Variants in ZC3H8 observed in about 807,000 individuals in gnomAD.
The protein encoded by ZC3H8 is zinc finger CCCH-type containing 8, also known as zinc finger CCCH domain-containing protein 8.
In ZC3H8, 27 loss-of-function variants were observed where a neutral mutation model predicts 42.5. The ratio of observed to expected loss-of-function variants is 0.64; its 90% confidence interval spans 0.47 to 0.88. The LOEUF is 0.88. Ranked by LOEUF, ZC3H8 falls within the 40% of genes least tolerant of loss-of-function variation. ZC3H8 has a pLI of 0.00. For synonymous variants in ZC3H8, 101 were observed against 110.1 expected (o/e 0.92, Z 0.52); for missense variants, 277 against 336.1 (o/e 0.82, Z 1.37).
At chr2:112,254,774 C>T in intron 1 of ZC3H8, 134 bp downstream of exon 1, 1 of 1,045,780 alleles carries the variant, frequency 9.6e-7, no homozygotes, top group Non-Finnish European at 1.4e-6. Flanking sequence ...GGCGCCCGGC[C>T]GGCCCACGTG....
chr2:112,218,754 T>C (rs1342909776), intron 8 of ZC3H8, among the ~76,000 whole-genome samples: 1 of 152,238 alleles, frequency 6.6e-6, no homozygotes, highest in East Asian at 1.9e-4. Context: ...AACAGTAGGC[T>C]ATTATTAGTT....
At chr2:112,221,350 A>ACT (rs146776546) in intron 8 of ZC3H8, among the ~76,000 whole-genome samples, 2,483 of 150,394 alleles carry the variant, frequency 0.017, 68 homozygotes, top group African/African-American at 0.057. Context: ...GCTCCTCCCC[A>ACT]CTCTCTCTCT....
chr2:112,232,024 CTAAA>C (rs1455388810), intron 6 of ZC3H8, 77 bp from the exon 7 acceptor site: 3 of 862,142 alleles, frequency 3.5e-6, no homozygotes, highest in East Asian at 6.0e-5. Context: ...TTTATTTTTC[CTAAA>C]TAAAGACCTC....
At chr2:112,243,356 G>A (rs576466583) in intron 2 of ZC3H8, among the ~76,000 whole-genome samples, 3 of 152,094 alleles carry the variant, frequency 2.0e-5, no homozygotes, top group South Asian at 2.1e-4. Flanking sequence ...GAGAAGAATC[G>A]AACAAAGTTC....
intron 8 of ZC3H8, among the ~76,000 whole-genome samples, chr2:112,220,646 A>G (rs1300184057): frequency 6.6e-6 from 1 of 151,764 alleles, no homozygotes; most frequent in African/African-American, 2.4e-5. Flanking sequence ...ACATGGAGAA[A>G]CCCCGTCTTC....
rs1685172501 is a variant in ZC3H8, at chr2:112,233,305, C to T, written c.688G>A (p.Val230Ile). 6.2e-7 allele frequency: 1 copy of T among 1,601,852 alleles called. No homozygotes were observed. Among genetic ancestry groups the T allele is most frequent in the African/African-American group, 1.3e-5 (1 of 74,870 alleles). Residue 230 changes from valine to isoleucine, a missense_variant, in exon 6 of 9, where the codon GTA (valine) becomes ATA (isoleucine). Transcript: ENST00000409573. Reference protein sequence around the residue: ...EKKKEMCKFYVQGYCTRGENC... With the variant: ...EKKKEMCKFYIQGYCTRGENC... ...TCACCTCTGGTACAATATCCTTGTA[C>T]ATAAAACTTACACATTTCCTTTTTC...
chr2:112,232,586 G>A (rs1392190744), intron 6 of ZC3H8, among the ~76,000 whole-genome samples: 1 of 152,098 alleles, frequency 6.6e-6, no homozygotes, highest in Non-Finnish European at 1.5e-5. Context: ...TTTGGGGGTG[G>A]AGGAATCAAA....
rs760524745 is a variant in ZC3H8, at chr2:112,216,293, C to CACT, written c.*188_*190dup. 2.6e-5 allele frequency: 4 copies of CACT among 152,436 alleles called. No individual in the cohort carries two copies. The highest frequency in any genetic ancestry group is 6.5e-5 in the Admixed American group (1 of 15,314). The allele number at this position is 152,436 out of a possible 1,614,324, so 9.4% of individuals were successfully genotyped here. On this transcript the variant is annotated 3_prime_UTR_variant, in exon 9 of 9. Transcript: ENST00000409573. ...ATGTCTCAGGGAAGACCAAGCCCTT[C>CACT]ACTTGTACATTAGATCCCAGCTCTC... is the stretch of plus-strand genomic sequence containing the variant.
chr2:112,245,898 C>T (rs1000461246), intron 2 of ZC3H8, among the ~76,000 whole-genome samples: 1 of 152,230 alleles, frequency 6.6e-6, no homozygotes, highest in Non-Finnish European at 1.5e-5. Flanking sequence ...CAAAATTGCA[C>T]TTGCACCCCG....
intron 8 of ZC3H8, among the ~76,000 whole-genome samples, chr2:112,220,520 G>C (rs549452682): frequency 2.0e-5 from 3 of 152,110 alleles, no homozygotes; most frequent in African/African-American, 7.2e-5. Context: ...TCTGCTGTTA[G>C]CCTAAAGACC....
At chr2:112,244,024 AAG>A (rs1357577044) in intron 2 of ZC3H8, among the ~76,000 whole-genome samples, 2 of 151,900 alleles carry the variant, frequency 1.3e-5, no homozygotes, top group African/African-American at 4.8e-5. Context: ...ATAAAGAAAA[AAG>A]ATAAAAAATA....
chr2:112,233,162 T>C, intron 6 of ZC3H8, 98 bp downstream of exon 6: 1 of 698,506 alleles, frequency 1.4e-6, no homozygotes. Flanking sequence ...TAATATCATT[T>C]TGGTATACCT....
intron 8 of ZC3H8, among the ~76,000 whole-genome samples, chr2:112,217,529 G>A (rs1392201695): frequency 1.3e-5 from 2 of 152,218 alleles, no homozygotes; most frequent in Non-Finnish European, 2.9e-5. Flanking sequence ...CTTTATGCAT[G>A]TATAATTCTG....
At chr2:112,241,162 T>C (rs1312795640) in intron 2 of ZC3H8, among the ~76,000 whole-genome samples, 1 of 152,030 alleles carries the variant, frequency 6.6e-6, no homozygotes, top group East Asian at 1.9e-4. Flanking sequence ...TGAATTAAAA[T>C]TCTACAAAAA....
intron 8 of ZC3H8, among the ~76,000 whole-genome samples, chr2:112,224,703 G>A (rs914099223): frequency 6.6e-6 from 1 of 152,168 alleles, no homozygotes; most frequent in South Asian, 2.1e-4. Context: ...ACACCATACT[G>A]AGCAAAAGAC....
At chr2:112,250,347 C>T (rs935140735) in intron 1 of ZC3H8, 75 bp from the exon 2 acceptor site, 13 of 1,020,794 alleles carry the variant, frequency 1.3e-5, no homozygotes, top group African/African-American at 1.7e-5. Context: ...TTACAATTCA[C>T]TGCTTTGGCT....
intron 8 of ZC3H8, among the ~76,000 whole-genome samples, chr2:112,218,355 T>C (rs1490643789): frequency 6.6e-6 from 1 of 152,196 alleles, no homozygotes; most frequent in Admixed American, 6.5e-5. Flanking sequence ...TAGACTCTTC[T>C]AGTGGAAATG....
At chr2:112,243,733 T>C (rs1181476310) in intron 2 of ZC3H8, among the ~76,000 whole-genome samples, 1 of 152,154 alleles carries the variant, frequency 6.6e-6, no homozygotes, top group Non-Finnish European at 1.5e-5. Flanking sequence ...GCTTCTTGCC[T>C]TAAAAACCTA....
At chr2:112,223,207 T>C (rs1301786322) in intron 8 of ZC3H8, among the ~76,000 whole-genome samples, 2 of 151,878 alleles carry the variant, frequency 1.3e-5, no homozygotes, top group Non-Finnish European at 2.9e-5. Flanking sequence ...TGTATACATA[T>C]GTAACAAACC....
Sources: allele counts gnomAD v4.1 joint callset (sites outside exome capture counted in the v4.1 genomes callset), GRCh38; gene constraint gnomAD v4.1.1; transcripts MANE v1.5; gene names NCBI Gene and HGNC (gene_info 2026-07-23, HGNC 2026-07-21).